CSTPP1: variants seen among roughly 807,000 people sequenced by gnomAD.
CSTPP1 encodes the protein UPF0705 protein C11orf49.
chr11:47,041,358 C>T, the CSTPP1 span: 1 of 247,692 alleles, frequency 4.0e-6, no homozygotes. Flanking sequence ...TACTCAGGGC[C>T]CTTGAACTGT....
At chr11:47,066,093 GTT>G in the CSTPP1 span, among the ~76,000 whole-genome samples, 15 of 39,278 alleles carry the variant, frequency 3.8e-4, no homozygotes, top group East Asian at 2.1e-3. Context: ...TGCCTTGTGG[GTT>G]TTTTTTTTTT....
the CSTPP1 span, among the ~76,000 whole-genome samples, chr11:47,106,991 A>T: frequency 6.6e-6 from 1 of 152,040 alleles, no homozygotes; most frequent in Admixed American, 6.6e-5. Flanking sequence ...CGTTCTTTGC[A>T]CCCTGGGTTT....
the CSTPP1 span, among the ~76,000 whole-genome samples, chr11:47,010,365 T>C: frequency 1.3e-5 from 2 of 152,222 alleles, no homozygotes. Context: ...TAAATGTTCT[T>C]GGCCGAAGCA....
At chr11:46,951,548 GT>G in the CSTPP1 span, among the ~76,000 whole-genome samples, 2 of 152,056 alleles carry the variant, frequency 1.3e-5, no homozygotes, top group Non-Finnish European at 2.9e-5. Flanking sequence ...GCCTCCCACA[GT>G]GCTGAGATTA....
the CSTPP1 span, among the ~76,000 whole-genome samples, chr11:47,012,504 A>G: frequency 6.6e-6 from 1 of 152,186 alleles, no homozygotes; most frequent in South Asian, 2.1e-4. Flanking sequence ...AAGAGAAAAA[A>G]GATAGGGGAT....
At chr11:47,164,298 T>G in the CSTPP1 span, 3 of 1,557,820 alleles carry the variant, frequency 1.9e-6, no homozygotes, top group Non-Finnish European at 2.6e-6. Context: ...CAGAGGACAC[T>G]GCTTCACTCA....
the CSTPP1 span, among the ~76,000 whole-genome samples, chr11:47,073,259 G>A: frequency 4.6e-5 from 7 of 152,192 alleles, no homozygotes; most frequent in Admixed American, 2.0e-4. Flanking sequence ...CTACCAAGAT[G>A]CTTACAATCT....
the CSTPP1 span, among the ~76,000 whole-genome samples, chr11:47,102,867 C>A: frequency 6.6e-6 from 1 of 151,690 alleles, no homozygotes; most frequent in East Asian, 1.9e-4. Flanking sequence ...TTGTTAGAAC[C>A]AATACTTTGC....
chr11:46,942,323 G>A, the CSTPP1 span, among the ~76,000 whole-genome samples: 1 of 152,182 alleles, frequency 6.6e-6, no homozygotes, highest in Non-Finnish European at 1.5e-5. Flanking sequence ...GAGGCTGAAG[G>A]TGTGTCTGTG....
the CSTPP1 span, among the ~76,000 whole-genome samples, chr11:46,963,661 T>G: frequency 6.6e-6 from 1 of 151,916 alleles, no homozygotes; most frequent in East Asian, 1.9e-4. Context: ...TGCACACACC[T>G]GTAATCCCAG....
chr11:47,156,885 C>T, the CSTPP1 span: 2 of 794,958 alleles, frequency 2.5e-6, no homozygotes, highest in Non-Finnish European at 3.9e-6. Flanking sequence ...AGAACTTCTG[C>T]TCTCAGGACA....
chr11:47,148,909 C>T, the CSTPP1 span, among the ~76,000 whole-genome samples: 5 of 152,098 alleles, frequency 3.3e-5, no homozygotes, highest in South Asian at 2.1e-4. Flanking sequence ...TCAGGAAAAC[C>T]GGTGCAGCCC....
At chr11:47,024,679 A>G in the CSTPP1 span, among the ~76,000 whole-genome samples, 369 of 152,294 alleles carry the variant, frequency 2.4e-3, 1 homozygote, top group African/African-American at 8.1e-3. Context: ...CCTGACAAAC[A>G]GGTAGTCAAG....
the CSTPP1 span, among the ~76,000 whole-genome samples, chr11:47,033,957 G>C: frequency 6.6e-6 from 1 of 151,906 alleles, no homozygotes; most frequent in Non-Finnish European, 1.5e-5. Flanking sequence ...CAATTCAAAA[G>C]AACTTTAAAA....
chr11:47,038,476 C>T, the CSTPP1 span, among the ~76,000 whole-genome samples: 5 of 105,678 alleles, frequency 4.7e-5, 1 homozygote, highest in Admixed American at 1.9e-4. Flanking sequence ...ACCTCCCTCC[C>T]GGACGGGGCG....
chr11:47,013,718 C>T, the CSTPP1 span, among the ~76,000 whole-genome samples: 6 of 152,284 alleles, frequency 3.9e-5, no homozygotes, highest in Admixed American at 3.9e-4. Flanking sequence ...TGTATCTTTA[C>T]AATAGAATAA....
the CSTPP1 span, among the ~76,000 whole-genome samples, chr11:47,049,240 G>A: frequency 2.0e-5 from 3 of 152,060 alleles, no homozygotes; most frequent in Admixed American, 1.3e-4. Context: ...ACCCACCTCA[G>A]CCTTCCAAAG....
the CSTPP1 span, among the ~76,000 whole-genome samples, chr11:46,943,592 G>C: frequency 6.6e-6 from 1 of 152,344 alleles, no homozygotes; most frequent in African/African-American, 2.4e-5. Flanking sequence ...TCATCTCTCA[G>C]AGGCAGGCAG....
At chr11:47,099,348 C>G in the CSTPP1 span, among the ~76,000 whole-genome samples, 390 of 152,184 alleles carry the variant, frequency 2.6e-3, 5 homozygotes, top group African/African-American at 9.0e-3. Context: ...CCATTTAGTC[C>G]CTGGCACAAA....
Sources: gnomAD v4.1 joint callset for allele counts (sites outside exome capture counted in the v4.1 genomes callset) on GRCh38, gnomAD v4.1.1 for gene constraint, MANE v1.5 for transcripts, NCBI Gene and HGNC (gene_info 2026-07-23, HGNC 2026-07-21) for gene names.